TBXAS1: variants seen among roughly 807,000 people sequenced by gnomAD.
The protein encoded by TBXAS1 is thromboxane A synthase 1.
In TBXAS1, 48 loss-of-function variants were observed where a neutral mutation model predicts 60.7. The ratio of observed to expected loss-of-function variants is 0.79; its 90% confidence interval spans 0.63 to 1.01. The LOEUF (loss-of-function observed/expected upper bound fraction) is 1.01, where lower values mean the gene tolerates loss of function less well. Among genes scored for constraint, TBXAS1 ranks in the 50% least tolerant of loss-of-function variants. The pLI is 0.00. For missense variants in TBXAS1, 685 were observed against 686.3 expected (o/e 1.00, Z 0.02); for synonymous variants, 287 against 269.7 (o/e 1.06, Z -0.63).
intron 12 of TBXAS1, among the ~76,000 whole-genome samples, chr7:140,019,226 G>A (rs892805058): frequency 5.3e-5 from 8 of 152,154 alleles, no homozygotes; most frequent in East Asian, 1.9e-4. Flanking sequence ...GAAAGTGAAC[G>A]CATCCACATA....
At chr7:139,859,199 G>GTT (rs1221686304) in intron 1 of TBXAS1, among the ~76,000 whole-genome samples, 53 of 114,640 alleles carry the variant, frequency 4.6e-4, no homozygotes, top group South Asian at 5.9e-4. Flanking sequence ...TTTATCGTTA[G>GTT]TTTTTTTTTT....
chr7:139,948,767 G>A lies in TBXAS1; in HGVS notation c.451-4601G>A, dbSNP rs555479592. Among the ~76,000 whole-genome samples, 81 of 152,168 alleles carry A rather than the reference G, an allele frequency of 5.3e-4. 1 individual carries two copies. In the South Asian group the frequency reaches 8.7e-3, roughly 16 times the overall value. ...TTCAAAAATCTAGGAGAAGAACTGC[G>A]GGGTTTGTGGATTGTATAAAGATTA... On this transcript the variant is annotated intron_variant, in intron 5 of 12. Coordinates refer to ENST00000448866, the MANE Select transcript of TBXAS1 (RefSeq NM_001061.7).
Position 139,953,381 on chromosome 7 carries a change from T to A in TBXAS1, c.464T>A (p.Ile155Asn), listed in dbSNP as rs757613487. 8 of 1,614,056 alleles carry A rather than the reference T, an allele frequency of 5.0e-6. No homozygotes were observed. In the Admixed American group the frequency reaches 1.3e-4, roughly 27 times the overall value. The stretch of plus-strand genomic sequence containing the variant: ...ATCCATTATCAGATGGTTCCCCTCA[T>A]CAGCCAAGCCTGCGACCTTCTCCTG... The part of the protein sequence containing the change: ...PEKLNEMVPL[I>N]SQACDLLLAH... Residue 155 changes from isoleucine (I) to asparagine (N), a missense_variant, in exon 6 of 13, where the codon ATC becomes AAC. Coordinates refer to ENST00000448866, the MANE Select transcript of TBXAS1 (RefSeq NM_001061.7).
chr7:139,954,767 T>C (rs1584944512), intron 6 of TBXAS1, among the ~76,000 whole-genome samples: 1 of 152,362 alleles, frequency 6.6e-6, no homozygotes, highest in Middle Eastern at 3.4e-3. Context: ...TTAAATTTTC[T>C]GGAGCTCCTG....
At chr7:139,879,469 T>A (rs1802514475) in intron 3 of TBXAS1, among the ~76,000 whole-genome samples, 4 of 152,176 alleles carry the variant, frequency 2.6e-5, no homozygotes, top group Admixed American at 2.6e-4. Context: ...CTTCATCAAT[T>A]AATGATTACT....
At chr7:139,983,754 A>G (rs1050330541) in intron 9 of TBXAS1, among the ~76,000 whole-genome samples, 2 of 152,146 alleles carry the variant, frequency 1.3e-5, no homozygotes, top group African/African-American at 4.8e-5. Context: ...AGTTGTCATA[A>G]ACAAATTTCA....
At chr7:139,982,540 T>C (rs1280931527) in intron 9 of TBXAS1, among the ~76,000 whole-genome samples, 1 of 152,138 alleles carries the variant, frequency 6.6e-6, no homozygotes, top group South Asian at 2.1e-4. Context: ...TGGACTACAA[T>C]CTCATCATAA....
rs567424531 is a variant in TBXAS1, at chr7:139,955,729, C to A, written c.688+122C>A. The A allele has an allele frequency of 5.3e-5, 76 of 1,435,474 alleles. 2 individuals are homozygous for A. In the South Asian group the frequency reaches 8.4e-4, roughly 16 times the overall value. The allele number at this position is 1,435,474 out of a possible 1,614,324, so 88.9% of individuals were successfully genotyped here. A position where few individuals can be genotyped will look rare whatever the true frequency, so the allele number is the denominator to read the frequency against. On this transcript the variant is annotated intron_variant, in intron 7 of 12. Coordinates refer to ENST00000448866, the MANE Select transcript of TBXAS1 (RefSeq NM_001061.7). ...CTGGGAAAGGGCACTCGGGTTGTTC[C>A]CCTGCAGAGGCTTTGTCTTATGGAG... is the stretch of plus-strand genomic sequence containing the variant.
chr7:139,923,468 A>G (rs1334487214), intron 4 of TBXAS1, among the ~76,000 whole-genome samples: 2 of 151,888 alleles, frequency 1.3e-5, no homozygotes, highest in African/African-American at 4.8e-5. Context: ...TTTTGTGAGT[A>G]TATAGTAGGT....
intron 3 of TBXAS1, among the ~76,000 whole-genome samples, chr7:139,787,099 G>A (rs1338164055): frequency 1.3e-5 from 2 of 152,206 alleles, no homozygotes; most frequent in Non-Finnish European, 2.9e-5. Flanking sequence ...ATCACAGTCT[G>A]TGTATAGATC....
chr7:139,903,777 T>C (rs1214057910), intron 3 of TBXAS1, among the ~76,000 whole-genome samples: 5 of 152,094 alleles, frequency 3.3e-5, no homozygotes, highest in Non-Finnish European at 7.3e-5. Context: ...TTCAGGTCCT[T>C]AGCCCACTTT....
At position 139,832,222 on chromosome 7, in the gene TBXAS1, A is replaced by G. The variant is rs115920737; in HGVS notation, c.89+2743A>G. Among the ~76,000 whole-genome samples, 497 of 152,278 alleles carry G rather than the reference A, an allele frequency of 3.3e-3. 3 individuals are homozygous for G. The highest frequency in any genetic ancestry group is 0.011 in the African/African-American group (472 of 41,566). Reference sequence around the variant, plus strand: ...CCTCCTCTCCCAACACACTCCCCCAATTTGAGTGGGAGAAATATTCAATGA... The same window carrying G: ...CCTCCTCTCCCAACACACTCCCCCAGTTTGAGTGGGAGAAATATTCAATGA... On this transcript the variant is annotated intron_variant, in intron 1 of 12. Transcript: ENST00000448866.
intron 9 of TBXAS1, among the ~76,000 whole-genome samples, chr7:139,998,847 T>C (rs1237368604): frequency 6.6e-5 from 10 of 152,234 alleles, no homozygotes. Context: ...ACCTAATCCC[T>C]TAATGGCCTG....
chr7:139,855,219 T>C (rs1024316440), intron 1 of TBXAS1, among the ~76,000 whole-genome samples: 4 of 152,180 alleles, frequency 2.6e-5, no homozygotes, highest in African/African-American at 9.7e-5. Context: ...TTTTTCTTTA[T>C]AAATTATCTA....
chr7:140,006,983 T>C, intron 9 of TBXAS1, 108 bp from the exon 10 acceptor site: 1 of 1,110,670 alleles, frequency 9.0e-7, no homozygotes, highest in Non-Finnish European at 1.4e-6. Flanking sequence ...GGTTTCTGTT[T>C]AAATGTTTGC....
chr7:139,780,204 TCCCTGTTAATACATA>T, intron 1 of TBXAS1, among the ~76,000 whole-genome samples: 1 of 152,006 alleles, frequency 6.6e-6, no homozygotes, highest in East Asian at 1.9e-4. Context: ...GGTATGTAAC[TCCCTGTTAATACATA>T]CCCTACATGC....
intron 10 of TBXAS1, among the ~76,000 whole-genome samples, chr7:140,009,904 C>CCCG (rs1814450206): frequency 1.4e-5 from 1 of 72,956 alleles, no homozygotes; most frequent in Non-Finnish European, 2.6e-5. Flanking sequence ...CTGCCCCACA[C>CCCG]CTTCACACCT....
chr7:139,810,505 G>A (rs17178226), intron 4 of TBXAS1, among the ~76,000 whole-genome samples: 14,391 of 152,170 alleles, frequency 0.095, 814 homozygotes, highest in Non-Finnish European at 0.13. Context: ...AATTTGTAAA[G>A]GTATTGACAA....
intron 3 of TBXAS1, among the ~76,000 whole-genome samples, chr7:139,899,012 C>CT (rs8192822): frequency 1.1e-3 from 163 of 145,854 alleles, no homozygotes; most frequent in African/African-American, 3.1e-3. Context: ...TCTCCCTCTC[C>CT]TTTTTTTTTT....
Sources: allele counts gnomAD v4.1 joint callset (sites outside exome capture counted in the v4.1 genomes callset), GRCh38; gene constraint gnomAD v4.1.1; transcripts MANE v1.5; gene names NCBI Gene and HGNC (gene_info 2026-07-23, HGNC 2026-07-21).